The following GDAP1 variants were observed in gnomAD, a reference collection of about 807,000 sequenced individuals.
GDAP1 encodes the protein ganglioside-induced differentiation-associated protein 1.
Under a neutral mutation model 40.1 loss-of-function variants are expected in GDAP1, and 34 were observed. The observed-to-expected ratio is 0.85, with a 90% CI of 0.64 to 1.13. GDAP1 has a LOEUF of 1.13. Ranked by LOEUF, GDAP1 falls within the 50% of genes most tolerant of loss-of-function variation. The pLI is 0.00. For synonymous variants in GDAP1, 170 were observed against 157.4 expected, an observed-to-expected ratio of 1.08 and a Z score of -0.60; for missense variants, 374 against 433.7, an observed-to-expected ratio of 0.86 and a Z score of 1.22.
At chr8:74,444,026 C>CTATCT (rs59832527) in intron 2 of GDAP1, among the ~76,000 whole-genome samples, 5 of 86,774 alleles carry the variant, frequency 5.8e-5, no homozygotes, top group African/African-American at 8.0e-5. Context: ...ATCTATCTAT[C>CTATCT]ATCTATCATC....
chr8:74,369,359 G>A (rs1236706534), downstream of GDAP1, among the ~76,000 whole-genome samples: 1 of 152,160 alleles, frequency 6.6e-6, no homozygotes, highest in Non-Finnish European at 1.5e-5. Flanking sequence ...GGCAATATAT[G>A]TTTATAGAAT....
At chr8:74,363,092 C>A in intron 5 of GDAP1, 39 bp downstream of exon 5, 1 of 909,346 alleles carries the variant, frequency 1.1e-6, no homozygotes, top group Non-Finnish European at 1.9e-6. Context: ...TTTTCAACAT[C>A]AGTATTATTC....
At chr8:74,420,656 A>C (rs1262341080) in intron 2 of GDAP1, among the ~76,000 whole-genome samples, 2 of 152,034 alleles carry the variant, frequency 1.3e-5, no homozygotes, top group Non-Finnish European at 2.9e-5. Context: ...CCTTAATGTG[A>C]CTCTCTGAAG....
At chr8:74,417,058 C>G (rs189542264) in intron 2 of GDAP1, among the ~76,000 whole-genome samples, 1 of 149,088 alleles carries the variant, frequency 6.7e-6, no homozygotes, top group Non-Finnish European at 1.5e-5. Flanking sequence ...TCTTCTCCCC[C>G]TCATTCACCA....
chr8:74,427,864 T>C (rs1325513414), intron 2 of GDAP1, among the ~76,000 whole-genome samples: 3 of 152,192 alleles, frequency 2.0e-5, no homozygotes, highest in African/African-American at 7.2e-5. Flanking sequence ...ATATTACCTT[T>C]TGCATATATT....
At chr8:74,455,652 T>C (rs1806327478) in intron 2 of GDAP1, among the ~76,000 whole-genome samples, 2 of 151,986 alleles carry the variant, frequency 1.3e-5, no homozygotes, top group South Asian at 4.1e-4. Context: ...TTTTTCATTT[T>C]TTTTCTCCTC....
chr8:74,449,113 C>G (rs1170515471), intron 2 of GDAP1, among the ~76,000 whole-genome samples: 1 of 151,726 alleles, frequency 6.6e-6, no homozygotes, highest in East Asian at 1.9e-4. Context: ...CCTTTCCTCC[C>G]CAGTGAATAA....
At chr8:74,415,237 G>C (rs1805763642) in intron 2 of GDAP1, among the ~76,000 whole-genome samples, 1 of 149,892 alleles carries the variant, frequency 6.7e-6, no homozygotes, top group Non-Finnish European at 1.5e-5. Context: ...TATATACCTG[G>C]GTAAACATAA....
chr8:74,384,728 C>T (rs900817494), intron 2 of GDAP1, among the ~76,000 whole-genome samples: 9 of 152,156 alleles, frequency 5.9e-5, no homozygotes, highest in Non-Finnish European at 2.9e-5. Flanking sequence ...CTAAGTAACA[C>T]TGTAAGAAGT....
At chr8:74,437,645 T>G (rs758293882) in intron 2 of GDAP1, among the ~76,000 whole-genome samples, 1 of 152,164 alleles carries the variant, frequency 6.6e-6, no homozygotes, top group Non-Finnish European at 1.5e-5. Context: ...AAATATATAG[T>G]ATCTTTTTTA....
At chr8:74,391,391 T>C (rs926393916) in intron 2 of GDAP1, among the ~76,000 whole-genome samples, 2 of 151,948 alleles carry the variant, frequency 1.3e-5, no homozygotes, top group Non-Finnish European at 2.9e-5. Context: ...AATGCATCGT[T>C]CCTCATGGCA....
At position 74,393,463 on chromosome 8, in the gene GDAP1, G is replaced by C. The variant is rs79138188; in HGVS notation, c.165+42142G>C. 5.6e-3 allele frequency among the ~76,000 whole-genome samples: 850 copies of C among 152,194 alleles called. 9 individuals are homozygous for C. Among genetic ancestry groups the C allele is most frequent in the African/African-American group, 0.019 (788 of 41,520 alleles). On this transcript the variant is annotated intron_variant, in intron 2 of 2. Transcript: ENST00000523640. ...TGGAAAAACTTGGCCCCAAATTTTT[G>C]TTTAATGTGCATAAACTGTGTGAGG...
At chr8:74,352,269 A>G (rs1238121222) in intron 2 of GDAP1, among the ~76,000 whole-genome samples, 1 of 152,182 alleles carries the variant, frequency 6.6e-6, no homozygotes, top group Non-Finnish European at 1.5e-5. Flanking sequence ...TGTAGCTTCA[A>G]AGAGTTACCA....
At chr8:74,414,212 A>G (rs1175185898) in intron 2 of GDAP1, among the ~76,000 whole-genome samples, 1 of 150,266 alleles carries the variant, frequency 6.7e-6, no homozygotes, top group Non-Finnish European at 1.5e-5. Flanking sequence ...ATCAATATCC[A>G]GAGTCCCTTA....
intron 3 of GDAP1, among the ~76,000 whole-genome samples, chr8:74,360,982 AT>A (rs1473061230): frequency 6.6e-6 from 1 of 152,122 alleles, no homozygotes; most frequent in African/African-American, 2.4e-5. Context: ...TGTGTTCCCC[AT>A]TATGTGATAC....
chr8:74,358,705 C>G (rs2131509985), intron 2 of GDAP1, among the ~76,000 whole-genome samples: 1 of 152,214 alleles, frequency 6.6e-6, no homozygotes, highest in South Asian at 2.1e-4. Context: ...GTAGATCCCC[C>G]AAACATGTTT....
At chr8:74,465,213 T>C (rs1316665629) in intron 2 of GDAP1, among the ~76,000 whole-genome samples, 1 of 151,730 alleles carries the variant, frequency 6.6e-6, no homozygotes, top group Non-Finnish European at 1.5e-5. Context: ...AGAGCGAGAC[T>C]CCTCTCCAAA....
intron 2 of GDAP1, among the ~76,000 whole-genome samples, chr8:74,467,020 C>T (rs749687542): frequency 6.6e-6 from 1 of 152,058 alleles, no homozygotes; most frequent in African/African-American, 2.4e-5. Context: ...ACACAGACAG[C>T]TTATACATAG....
chr8:74,382,376 G>GGTTT (rs1809967455), intron 2 of GDAP1, among the ~76,000 whole-genome samples: 1 of 141,940 alleles, frequency 7.0e-6, no homozygotes, highest in East Asian at 2.0e-4. Flanking sequence ...ATTGCTAGTG[G>GGTTT]TTTTTTTTTT....
Sources: allele counts gnomAD v4.1 joint callset (sites outside exome capture counted in the v4.1 genomes callset), GRCh38; gene constraint gnomAD v4.1.1; transcripts MANE v1.5; gene names NCBI Gene and HGNC (gene_info 2026-07-23, HGNC 2026-07-21).